STK33: variants seen among roughly 807,000 people sequenced by gnomAD.
The protein encoded by STK33 is serine/threonine-protein kinase 33.
Under a neutral mutation model 58.0 loss-of-function variants are expected in STK33, and 52 were observed. The ratio of observed to expected loss-of-function variants is 0.90; its 90% CI spans 0.72 to 1.13. The LOEUF is 1.13. Ranked by LOEUF, STK33 falls within the 50% of genes most tolerant of loss-of-function variation. The pLI is 0.00. For synonymous variants in STK33, 215 were observed against 200.1 expected, an observed-to-expected ratio of 1.07 and a Z score of -0.63; for missense variants, 630 against 604.2, an observed-to-expected ratio of 1.04 and a Z score of -0.45.
At chr11:8,351,445 GC>G in the STK33 span, among the ~76,000 whole-genome samples, 1 of 152,360 alleles carries the variant, frequency 6.6e-6, no homozygotes, top group Middle Eastern at 3.4e-3. Context: ...CACCATGAGG[GC>G]CACAGGGGAC....
At chr11:8,551,146 T>G (rs1320443660) in intron 1 of STK33, among the ~76,000 whole-genome samples, 1 of 152,092 alleles carries the variant, frequency 6.6e-6, no homozygotes, top group African/African-American at 2.4e-5. Flanking sequence ...TTTTTTTTTT[T>G]GGAGACAGAG....
chr11:8,337,965 C>A, the STK33 span, among the ~76,000 whole-genome samples: 1 of 152,164 alleles, frequency 6.6e-6, no homozygotes, highest in Admixed American at 6.6e-5. Flanking sequence ...CTGCCCCCAC[C>A]GCCACACACT....
chr11:8,498,298 GACAA>G (rs1951218518), intron 1 of STK33, among the ~76,000 whole-genome samples: 3 of 149,944 alleles, frequency 2.0e-5, no homozygotes, highest in South Asian at 2.1e-4. Flanking sequence ...ACCAATAACA[GACAA>G]ACAGAGAGCC....
At chr11:8,493,833 C>G (rs1950834972) in intron 1 of STK33, among the ~76,000 whole-genome samples, 2 of 152,136 alleles carry the variant, frequency 1.3e-5, no homozygotes, top group African/African-American at 4.8e-5. Flanking sequence ...ATAAACAGAA[C>G]CAATGACAAA....
In STK33 at chr11:8,440,718, G is replaced by C. The variant is rs1944633609; in HGVS notation, c.907C>G (p.Gln303Glu). 1 of 1,571,348 alleles carries C rather than the reference G, an allele frequency of 6.4e-7. No individual in the cohort carries two copies. The highest frequency in any genetic ancestry group is 8.6e-7 in the Non-Finnish European group (1 of 1,156,098). The change falls in exon 12 of 16, where the codon CAG becomes GAG. Residue 303 changes from glutamine to glutamate, a missense_variant. Transcript: ENST00000687296. ...EVISAHDYSQQCDIWSIGVVM... is the reference protein window; with the variant it reads ...EVISAHDYSQECDIWSIGVVM... ...ACGCCTATGCTCCAAATGTCACACT[G>C]CTGGCTATAGTCGTGGGCACTGATA...
the STK33 span, among the ~76,000 whole-genome samples, chr11:8,382,711 C>T: frequency 2.0e-5 from 3 of 152,320 alleles, no homozygotes; most frequent in South Asian, 2.1e-4. Flanking sequence ...GCCACCCCAG[C>T]AGGAGCTAAG....
intron 11 of STK33, among the ~76,000 whole-genome samples, chr11:8,445,307 C>A (rs1473582495): frequency 6.6e-6 from 1 of 152,174 alleles, no homozygotes; most frequent in Non-Finnish European, 1.5e-5. Context: ...TCTAGATATA[C>A]AATCATGTCA....
intron 14 of STK33, among the ~76,000 whole-genome samples, chr11:8,422,729 CACCTAGTAGTATT>C (rs1368253876): frequency 6.6e-6 from 1 of 152,080 alleles, no homozygotes; most frequent in African/African-American, 2.4e-5. Flanking sequence ...TATTTGCATA[CACCTAGTAGTATT>C]ACCTAGTAGT....
chr11:8,404,937 G>C (rs1362361794), intron 15 of STK33, among the ~76,000 whole-genome samples: 2 of 152,154 alleles, frequency 1.3e-5, no homozygotes, highest in African/African-American at 4.8e-5. Context: ...TCAGGAGATA[G>C]AGACCATCCT....
intron 11 of STK33, among the ~76,000 whole-genome samples, chr11:8,442,060 C>G (rs942124609): frequency 1.3e-5 from 2 of 151,346 alleles, no homozygotes; most frequent in Non-Finnish European, 1.5e-5. Flanking sequence ...CACACACACA[C>G]ACACACACTT....
At chr11:8,586,674 A>C (rs1001725473) in intron 1 of STK33, among the ~76,000 whole-genome samples, 3 of 152,016 alleles carry the variant, frequency 2.0e-5, no homozygotes, top group African/African-American at 7.2e-5. Flanking sequence ...AACTACAAAA[A>C]TTAGCTGGGC....
At chr11:8,587,973 G>C (rs186476260) in intron 1 of STK33, among the ~76,000 whole-genome samples, 43 of 152,232 alleles carry the variant, frequency 2.8e-4, no homozygotes, top group African/African-American at 1.0e-3. Flanking sequence ...CACAGTTCTG[G>C]AGGCTGAGAA....
chr11:8,392,617 C>A lies in STK33; in HGVS notation c.1438G>T (p.Glu480Ter). 6.2e-7 allele frequency: 1 copy of A among 1,614,182 alleles called. No homozygotes were observed. Among genetic ancestry groups the A allele is most frequent in the Non-Finnish European group, 8.5e-7 (1 of 1,180,048 alleles). The change falls in exon 16 of 16, where the codon GAA becomes TAA. Residue 480 changes from glutamate to a stop codon, truncating the protein, a stop_gained. Coordinates refer to ENST00000687296, the MANE Select transcript of STK33 (RefSeq NM_001352389.2). LOFTEE classifies it low-confidence loss of function (END_TRUNC). The part of the protein sequence containing the change: ...SFTSSKLLPA[E>*]IKGEMEKTPV... ...GTTTTCTCCATTTCTCCCTTGATTT[C>A]AGCTGGAAGGAGTTTGCTAGATGTG...
At chr11:8,452,632 A>G (rs1946418838) in intron 11 of STK33, among the ~76,000 whole-genome samples, 190 bp downstream of exon 11, 1 of 152,022 alleles carries the variant, frequency 6.6e-6, no homozygotes, top group South Asian at 2.1e-4. Context: ...AAACAAAAAA[A>G]AATTAATTAG....
At chr11:8,550,864 A>G (rs951182771) in intron 1 of STK33, among the ~76,000 whole-genome samples, 4 of 152,106 alleles carry the variant, frequency 2.6e-5, no homozygotes, top group African/African-American at 9.7e-5. Context: ...ACCCCTGCCT[A>G]TTACCCGGTT....
intron 5 of STK33, among the ~76,000 whole-genome samples, chr11:8,473,878 T>C (rs1240396026): frequency 6.6e-6 from 1 of 152,118 alleles, no homozygotes; most frequent in African/African-American, 2.4e-5. Flanking sequence ...CTATTCTATA[T>C]AAAGATGAAT....
chr11:8,426,195 A>G (rs1052396874), intron 14 of STK33, among the ~76,000 whole-genome samples: 1 of 152,064 alleles, frequency 6.6e-6, no homozygotes, highest in African/African-American at 2.4e-5. Context: ...GCCAGAAGGG[A>G]GATGGAGTGG....
At chr11:8,398,299 C>T (rs573471472) in intron 15 of STK33, among the ~76,000 whole-genome samples, 38 of 152,250 alleles carry the variant, frequency 2.5e-4, no homozygotes, top group African/African-American at 8.2e-4. Flanking sequence ...ACAGTGGGGG[C>T]CAATATTCAA....
chr11:8,517,630 C>G (rs1056615624), intron 1 of STK33, among the ~76,000 whole-genome samples: 1 of 152,144 alleles, frequency 6.6e-6, no homozygotes, highest in Non-Finnish European at 1.5e-5. Context: ...ATAAACAGTG[C>G]AGAGAAGTCC....
Sources: gnomAD v4.1 joint callset for allele counts (sites outside exome capture counted in the v4.1 genomes callset) on GRCh38, gnomAD v4.1.1 for gene constraint, MANE v1.5 for transcripts, NCBI Gene and HGNC (gene_info 2026-07-23, HGNC 2026-07-21) for gene names.